The following PTPN14 variants were observed in gnomAD, a reference collection of about 807,000 sequenced individuals.
The protein encoded by PTPN14 is protein tyrosine phosphatase non-receptor type 14.
In PTPN14, 53 loss-of-function variants were observed where a neutral mutation model predicts 126.8. The ratio of observed to expected loss-of-function variants is 0.42; its 90% confidence interval spans 0.34 to 0.53. The LOEUF (loss-of-function observed/expected upper bound fraction) is 0.53. Among genes scored for constraint, PTPN14 ranks in the 20% least tolerant of loss-of-function variants. The probability of loss-of-function intolerance (pLI) is 0.08; values close to 1 mark genes in which losing one functional copy is unlikely to be tolerated. For missense variants in PTPN14, 1,257 were observed against 1,552.9 expected (o/e 0.81, Z 3.20); for synonymous variants, 630 against 599.3 (o/e 1.05, Z -0.75).
chr1:214,473,269 C>G (rs1660800291), intron 1 of PTPN14, among the ~76,000 whole-genome samples: 1 of 152,172 alleles, frequency 6.6e-6, no homozygotes, highest in African/African-American at 2.4e-5. Context: ...AGAGATCTTT[C>G]ACAAATATCA....
chr1:214,393,868 CT>C, intron 9 of PTPN14, 91 bp from the exon 10 acceptor site: 5 of 1,006,834 alleles, frequency 5.0e-6, no homozygotes, highest in Non-Finnish European at 7.7e-6. Flanking sequence ...ACACACATCC[CT>C]TCCAACCTTC....
intron 5 of PTPN14, among the ~76,000 whole-genome samples, chr1:214,403,774 G>C (rs545990330): frequency 6.6e-6 from 1 of 152,346 alleles, no homozygotes; most frequent in South Asian, 2.1e-4. Flanking sequence ...TTGAGAAATT[G>C]ATAGAGGTAG....
intron 2 of PTPN14, among the ~76,000 whole-genome samples, chr1:214,461,062 A>G (rs1398468090): frequency 6.6e-6 from 1 of 152,148 alleles, no homozygotes; most frequent in Non-Finnish European, 1.5e-5. Flanking sequence ...CCAGGGGTAT[A>G]TGGAAATTCT....
intron 18 of PTPN14, among the ~76,000 whole-genome samples, chr1:214,362,094 T>C (rs1199130388): frequency 4.6e-5 from 7 of 152,134 alleles, no homozygotes; most frequent in African/African-American, 9.7e-5. Flanking sequence ...CAATTTAATA[T>C]ATATTTGTTA....
chr1:214,381,905 A>AT (rs1196364491), intron 13 of PTPN14, among the ~76,000 whole-genome samples: 15 of 151,520 alleles, frequency 9.9e-5, no homozygotes, highest in Middle Eastern at 3.4e-3. Context: ...AGCAATGGAG[A>AT]TTTTTTTTTG....
At position 214,430,390 on chromosome 1, in the gene PTPN14, G is replaced by A. The variant is rs538898872; in HGVS notation, c.345-15664C>T. ...CATCTCTTGTCATGGTTAATTTTAT[G>A]TGTCAATTTGGCTAGGCCACGATAT... On this transcript the variant is annotated intron_variant, in intron 3 of 18. Transcript: ENST00000366956. Among the ~76,000 whole-genome samples the A allele has an allele frequency of 1.6e-3, 238 of 152,300 alleles. 2 individuals carry two copies. The highest frequency in any genetic ancestry group is 5.6e-3 in the African/African-American group (232 of 41,558).
chr1:214,378,085 C>T lies in PTPN14; in HGVS notation c.2562G>A (p.Lys854=). The change falls in exon 14 of 19, where the codon AAG becomes AAA. Residue 854 remains lysine (K), a synonymous_variant. Transcript: ENST00000366956. ...EMMIRNLEKQ[K]MAGLEAQKRP... The stretch of plus-strand genomic sequence containing the variant: ...TCTTCTGTGCCTCCAGGCCTGCCAT[C>T]TTCTGCTTCTCTAGATTCTTGCGGC... 6.2e-7 allele frequency: 1 copy of T among 1,610,302 alleles called. No homozygotes were observed. Among genetic ancestry groups the T allele is most frequent in the South Asian group, 1.1e-5 (1 of 91,004 alleles).
chr1:214,542,790 T>C (rs1312303591), intron 1 of PTPN14, among the ~76,000 whole-genome samples: 5 of 152,172 alleles, frequency 3.3e-5, no homozygotes, highest in South Asian at 2.1e-4. Flanking sequence ...CCCTGAGGAA[T>C]AGTGGGACAT....
intron 1 of PTPN14, among the ~76,000 whole-genome samples, chr1:214,468,249 G>A (rs1558116743): frequency 1.3e-5 from 2 of 152,102 alleles, no homozygotes; most frequent in Admixed American, 6.6e-5. Flanking sequence ...CTTTCCAATG[G>A]TTTTTTTGCA....
intron 2 of PTPN14, among the ~76,000 whole-genome samples, chr1:214,455,012 C>T (rs1342300832): frequency 6.6e-6 from 1 of 152,188 alleles, no homozygotes; most frequent in Non-Finnish European, 1.5e-5. Flanking sequence ...CATTCCCACC[C>T]TACTCCTCCC....
intron 3 of PTPN14, among the ~76,000 whole-genome samples, chr1:214,433,991 G>T (rs1659856574): frequency 6.8e-6 from 1 of 147,624 alleles, no homozygotes. Context: ...ATTTAGCCAG[G>T]CATGGTGGTG....
intron 1 of PTPN14, among the ~76,000 whole-genome samples, chr1:214,541,859 TTC>T (rs761932843): frequency 7.6e-4 from 115 of 152,278 alleles, no homozygotes; most frequent in Middle Eastern, 6.8e-3. Flanking sequence ...AAATGAGACT[TTC>T]TGTTTACATT....
chr1:214,437,810 A>G (rs975440091), intron 3 of PTPN14, among the ~76,000 whole-genome samples: 1 of 152,208 alleles, frequency 6.6e-6, no homozygotes, highest in African/African-American at 2.4e-5. Flanking sequence ...GAGATTCTCC[A>G]ACATCCATCT....
At chr1:214,377,020 G>A (rs577549202) in intron 14 of PTPN14, among the ~76,000 whole-genome samples, 26 of 152,280 alleles carry the variant, frequency 1.7e-4, no homozygotes, top group African/African-American at 5.8e-4. Flanking sequence ...TTAACCTTCT[G>A]ACAGCAATTT....
intron 1 of PTPN14, among the ~76,000 whole-genome samples, chr1:214,534,666 C>T (rs1479495341): frequency 4.6e-5 from 7 of 151,508 alleles, no homozygotes; most frequent in Admixed American, 4.6e-4. Flanking sequence ...TGAGCCAAGA[C>T]CGCGCCACTG....
chr1:214,426,532 GAA>G (rs201326153), intron 3 of PTPN14, among the ~76,000 whole-genome samples: 1 of 144,462 alleles, frequency 6.9e-6, no homozygotes, highest in South Asian at 2.2e-4. Context: ...ACTTCCTAGA[GAA>G]AAAAAAAAAT....
At chr1:214,435,531 CA>C (rs747502333) in intron 3 of PTPN14, among the ~76,000 whole-genome samples, 6 of 151,088 alleles carry the variant, frequency 4.0e-5, no homozygotes, top group Non-Finnish European at 7.4e-5. Context: ...TGGGTGTAAA[CA>C]ATATAGATTT....
Position 214,414,815 on chromosome 1 carries a change from T to C in PTPN14, c.345-89A>G, listed in dbSNP as rs17022857. Reference sequence around the variant, plus strand: ...CACAGATGCCTCTAGATGTAAAACCTTGTGTACACAGCAGGACATGCCTGT... The same window carrying C: ...CACAGATGCCTCTAGATGTAAAACCCTGTGTACACAGCAGGACATGCCTGT... On this transcript the variant is annotated intron_variant, in intron 3 of 18. Coordinates refer to ENST00000366956, the MANE Select transcript of PTPN14 (RefSeq NM_005401.5). The C allele has an allele frequency of 3.0e-3, 3,120 of 1,035,446 alleles. 70 individuals are homozygous for C. The African/African-American group carries it at 0.042, about 14-fold the overall frequency. 64.1% of individuals were successfully genotyped at this position (1,035,446 alleles called of 1,614,324 possible). A position where few individuals can be genotyped will look rare whatever the true frequency, so the allele number is the denominator to read the frequency against.
intron 3 of PTPN14, among the ~76,000 whole-genome samples, chr1:214,451,075 C>T (rs770196265): frequency 3.9e-5 from 6 of 152,164 alleles, no homozygotes; most frequent in African/African-American, 7.2e-5. Context: ...TCTTCAAATT[C>T]GAAGTCTGAT....
Sources: allele counts gnomAD v4.1 joint callset (sites outside exome capture counted in the v4.1 genomes callset), GRCh38; gene constraint gnomAD v4.1.1; transcripts MANE v1.5; gene names NCBI Gene and HGNC (gene_info 2026-07-23, HGNC 2026-07-21).